GABRA2: variants seen among roughly 807,000 people sequenced by gnomAD.
GABRA2 encodes gamma-aminobutyric acid receptor subunit alpha-2.
Under a neutral mutation model 48.7 loss-of-function variants are expected in GABRA2, and 16 were observed. The ratio of observed to expected loss-of-function variants is 0.33; its 90% confidence interval spans 0.22 to 0.50. GABRA2 has a LOEUF of 0.50. Ranked by LOEUF, GABRA2 falls within the 20% of genes least tolerant of loss-of-function variation. The pLI, the probability that GABRA2 is intolerant of heterozygous loss-of-function variation, is 0.98. For synonymous variants in GABRA2, 185 were observed against 184.5 expected (o/e 1.00, Z -0.02); for missense variants, 275 against 535.6 (o/e 0.51, Z 4.80).
At chr4:46,358,096 C>A (rs928859025) in intron 3 of GABRA2, among the ~76,000 whole-genome samples, 7 of 152,064 alleles carry the variant, frequency 4.6e-5, no homozygotes, top group Admixed American at 1.3e-4. Context: ...AGTAAGCACT[C>A]AACAGGTGAT....
At chr4:46,314,921 C>A (rs1324910725) in intron 4 of GABRA2, among the ~76,000 whole-genome samples, 1 of 152,046 alleles carries the variant, frequency 6.6e-6, no homozygotes, top group East Asian at 1.9e-4. Flanking sequence ...CATGTCTTTG[C>A]TATCGTGAAT....
At chr4:46,384,059 T>A (rs990457770) in intron 3 of GABRA2, among the ~76,000 whole-genome samples, 2 of 152,132 alleles carry the variant, frequency 1.3e-5, no homozygotes, top group African/African-American at 4.8e-5. Flanking sequence ...TCAACAACCC[T>A]AAAGGTAACT....
chr4:46,375,629 G>C (rs571952236), intron 3 of GABRA2, among the ~76,000 whole-genome samples: 1 of 152,110 alleles, frequency 6.6e-6, no homozygotes, highest in South Asian at 2.1e-4. Context: ...ATAATTCTCT[G>C]CCTCACAGTA....
chr4:46,293,975 T>G (rs372283089), intron 8 of GABRA2, among the ~76,000 whole-genome samples: 3 of 152,206 alleles, frequency 2.0e-5, no homozygotes, highest in African/African-American at 7.2e-5. Flanking sequence ...CTTGAACAAA[T>G]TAACACATCT....
chr4:46,247,935 C>A lies in GABRA2; in HGVS notation c.*2373G>T, dbSNP rs918280539. Among the ~76,000 whole-genome samples the A allele has an allele frequency of 6.6e-6, 1 of 151,120 alleles. No homozygotes were observed. The highest frequency in any genetic ancestry group is 1.5e-5 in the Non-Finnish European group (1 of 67,418). ...ATTCTGATCCCTAGCACTGAAAAAT[C>A]TGAACTGCCAGAATGTCATTGCACT... is the stretch of plus-strand genomic sequence containing the variant. On this transcript the variant is annotated 3_prime_UTR_variant, in exon 10 of 10. Coordinates refer to ENST00000381620, the MANE Select transcript of GABRA2 (RefSeq NM_000807.4).
At chr4:46,279,971 T>C (rs1056046037) in intron 8 of GABRA2, among the ~76,000 whole-genome samples, 2 of 152,074 alleles carry the variant, frequency 1.3e-5, no homozygotes, top group African/African-American at 4.8e-5. Context: ...TTATCCAGCA[T>C]GTATCAATCT....
At chr4:46,262,201 T>C in intron 8 of GABRA2, 73 bp from the exon 9 acceptor site, 1 of 1,206,290 alleles carries the variant, frequency 8.3e-7, no homozygotes, top group Non-Finnish European at 1.2e-6. Context: ...AGCTTTTCTT[T>C]CTCCCTCCAG....
At chr4:46,298,128 T>C (rs916079824) in intron 8 of GABRA2, among the ~76,000 whole-genome samples, 2 of 152,134 alleles carry the variant, frequency 1.3e-5, no homozygotes, top group Admixed American at 1.3e-4. Context: ...CTAAAATTTA[T>C]TGAGAATTCC....
rs929797002 is a variant in GABRA2 at position 46,247,471 on chromosome 4, G to A, written c.*2837C>T. Among the ~76,000 whole-genome samples, 1 of 151,044 alleles carries A rather than the reference G, an allele frequency of 6.6e-6. No homozygotes were observed. Among genetic ancestry groups the A allele is most frequent in the Non-Finnish European group, 1.5e-5 (1 of 67,380 alleles). On this transcript the variant is annotated 3_prime_UTR_variant, in exon 10 of 10. Transcript: ENST00000381620. The stretch of plus-strand genomic sequence containing the variant: ...GATTTTAACACCAATTACAGGGCAT[G>A]GCACAGGAGGTAAAAAATATTTTTG...
At chr4:46,328,048 A>G (rs1421846239) in intron 4 of GABRA2, among the ~76,000 whole-genome samples, 6 of 151,948 alleles carry the variant, frequency 3.9e-5, no homozygotes, top group Admixed American at 3.3e-4. Flanking sequence ...GGAAAAAGGG[A>G]AAAAAACAGT....
intron 8 of GABRA2, 98 bp from the exon 9 acceptor site, chr4:46,262,226 A>G: frequency 1.3e-6 from 1 of 779,334 alleles, no homozygotes; most frequent in Non-Finnish European, 2.1e-6. Flanking sequence ...CAAAGCTTTT[A>G]CTACTCTTAT....
intron 3 of GABRA2, among the ~76,000 whole-genome samples, chr4:46,352,523 T>C (rs1735295768): frequency 6.6e-6 from 1 of 152,002 alleles, no homozygotes. Context: ...ATAAATCCAA[T>C]ACAAAAACGA....
intron 8 of GABRA2, among the ~76,000 whole-genome samples, chr4:46,285,888 C>T (rs1368121951): frequency 6.6e-6 from 1 of 151,924 alleles, no homozygotes; most frequent in Admixed American, 6.6e-5. Flanking sequence ...TCTTCTTACT[C>T]CTGGGATGCC....
intron 3 of GABRA2, among the ~76,000 whole-genome samples, chr4:46,349,540 A>C (rs1734764127): frequency 6.6e-6 from 1 of 152,008 alleles, no homozygotes. Context: ...CATAGGTTTT[A>C]AGATCGGTTG....
intron 4 of GABRA2, among the ~76,000 whole-genome samples, chr4:46,320,823 G>A (rs1190885213): frequency 6.6e-6 from 1 of 151,772 alleles, no homozygotes; most frequent in Admixed American, 6.6e-5. Context: ...GTATCCATTA[G>A]GGAAAACAAT....
Position 46,250,456 on chromosome 4 carries a change from T to C in GABRA2, c.1208A>G (p.Lys403Arg). ...GAAAGTTTTCTTTGCTTCAGCTGGC[T>C]TGTTTTCTGGCTTCTTGTTGGGTTC... ...TPEPNKKPEN[K>R]PAEAKKTFNS... is the part of the protein sequence containing the mutation. The change falls in exon 10 of 10, where the codon AAG becomes AGG. Residue 403 changes from lysine (K) to arginine (R), a missense_variant. Physicochemically the swap from Lys to Arg is conservative, Grantham distance 26. Around this residue, in one of 4 missense-constraint regions of GABRA2, gnomAD observed 99 missense variants for 124.3 expected, o/e 0.80. Coordinates refer to ENST00000381620, the MANE Select transcript of GABRA2 (RefSeq NM_000807.4). 4 of 1,612,134 alleles carry C rather than the reference T, an allele frequency of 2.5e-6. No homozygotes were observed. The highest frequency in any genetic ancestry group is 3.4e-6 in the Non-Finnish European group (4 of 1,178,672).
intron 8 of GABRA2, among the ~76,000 whole-genome samples, chr4:46,281,094 A>T (rs1721449389): frequency 6.6e-6 from 1 of 152,184 alleles, no homozygotes; most frequent in African/African-American, 2.4e-5. Context: ...GACATGCAGT[A>T]ATCCAAAGGA....
chr4:46,309,890 T>C (rs1727340522), intron 6 of GABRA2, among the ~76,000 whole-genome samples: 1 of 152,104 alleles, frequency 6.6e-6, no homozygotes, highest in Non-Finnish European at 1.5e-5. Context: ...AAAAAGAAGG[T>C]AAATTACAGT....
At chr4:46,382,466 T>C (rs1281378726) in intron 3 of GABRA2, among the ~76,000 whole-genome samples, 6 of 151,716 alleles carry the variant, frequency 4.0e-5, no homozygotes, top group Non-Finnish European at 1.5e-5. Flanking sequence ...TGAGGTGAGG[T>C]TAAAGAAAGA....
Sources: allele counts gnomAD v4.1 joint callset (sites outside exome capture counted in the v4.1 genomes callset), GRCh38; gene constraint gnomAD v4.1.1; regional missense constraint gnomAD v4.1.1; transcripts MANE v1.5; gene names NCBI Gene and HGNC (gene_info 2026-07-23, HGNC 2026-07-21).